MPZL1: variants seen among roughly 807,000 people sequenced by gnomAD.
MPZL1 encodes myelin protein zero-like protein 1.
MPZL1 carries 16 observed loss-of-function variants against 29.3 expected under a neutral mutation model. That is an observed-to-expected ratio of 0.55 (90% confidence interval 0.37 to 0.83). MPZL1 has a LOEUF of 0.83. Among genes scored for constraint, MPZL1 ranks in the 40% least tolerant of loss-of-function variants. The pLI is 0.00. For synonymous variants in MPZL1, 143 were observed against 132.0 expected, an observed-to-expected ratio of 1.08 and a Z score of -0.57; for missense variants, 279 against 332.9, an observed-to-expected ratio of 0.84 and a Z score of 1.26.
chr1:167,749,261 C>T lies in MPZL1; in HGVS notation c.92-16322C>T, dbSNP rs115376034. Reference sequence around the variant, plus strand: ...AAGGTGCTCTAAAATTTTGTTGTACCATCTAAGCTACAGTCAGTTTCAGAT... The same window carrying T: ...AAGGTGCTCTAAAATTTTGTTGTACTATCTAAGCTACAGTCAGTTTCAGAT... On this transcript the variant is annotated intron_variant, in intron 1 of 5. Transcript: ENST00000359523. Among the ~76,000 whole-genome samples the T allele has an allele frequency of 4.2e-3, 637 of 152,166 alleles. 4 individuals are homozygous for T. The highest frequency in any genetic ancestry group is 0.015 in the African/African-American group (612 of 41,502).
At chr1:167,781,220 A>T (rs2187967) in intron 5 of MPZL1, among the ~76,000 whole-genome samples, 1 of 152,064 alleles carries the variant, frequency 6.6e-6, no homozygotes, top group Admixed American at 6.6e-5. Flanking sequence ...ATCAAAAAAG[A>T]TGCGGAAGAC....
chr1:167,747,245 G>A (rs1363604065), intron 1 of MPZL1, among the ~76,000 whole-genome samples: 2 of 152,090 alleles, frequency 1.3e-5, no homozygotes, highest in African/African-American at 4.8e-5. Flanking sequence ...TTTTGAGACA[G>A]GGCCTCACTC....
At chr1:167,741,317 T>C (rs1331602129) in intron 1 of MPZL1, among the ~76,000 whole-genome samples, 1 of 147,688 alleles carries the variant, frequency 6.8e-6, no homozygotes, top group East Asian at 2.0e-4. Flanking sequence ...TCACCACGTC[T>C]AGCCTGCAGT....
At chr1:167,772,534 C>G (rs987965754) in intron 3 of MPZL1, 46 bp downstream of exon 3, 2 of 1,518,694 alleles carry the variant, frequency 1.3e-6, no homozygotes, top group African/African-American at 2.8e-5. Context: ...TCTCCTTTAT[C>G]TCATGTTTGG....
At chr1:167,743,123 G>T (rs1660569004) in intron 1 of MPZL1, among the ~76,000 whole-genome samples, 1 of 151,732 alleles carries the variant, frequency 6.6e-6, no homozygotes, top group Admixed American at 6.6e-5. Context: ...TTTTAGGATT[G>T]TTTTTTCTAG....
chr1:167,737,828 A>AT (rs1428614410), intron 1 of MPZL1, among the ~76,000 whole-genome samples: 1 of 152,196 alleles, frequency 6.6e-6, no homozygotes, highest in Admixed American at 6.5e-5. Flanking sequence ...TCTTAAAGAG[A>AT]TTTCCTGGAT....
At chr1:167,779,471 G>C (rs1285957962) in intron 5 of MPZL1, among the ~76,000 whole-genome samples, 1 of 152,004 alleles carries the variant, frequency 6.6e-6, no homozygotes, top group Non-Finnish European at 1.5e-5. Context: ...TGTAATCCCA[G>C]CTACTTGGGA....
Position 167,773,349 on chromosome 1 carries a change from T to A in MPZL1, c.586T>A (p.Ser196Thr), listed in dbSNP as rs1239106525. 6.2e-7 allele frequency: 1 copy of A among 1,613,978 alleles called. No individual in the cohort carries two copies. Among genetic ancestry groups the A allele is most frequent in the South Asian group, 1.1e-5 (1 of 91,064 alleles). Residue 196 changes from serine to threonine, a missense_variant, in exon 4 of 6, where the codon TCT becomes ACT. Ser to Thr is a moderately conservative substitution (Grantham distance 58). Coordinates refer to ENST00000359523, the MANE Select transcript of MPZL1 (RefSeq NM_003953.6). The stretch of plus-strand genomic sequence containing the variant: ...GGCTGTCCTCTATAGAAGGAAAAAC[T>A]CTAAACGGGATTACACTGGGTAAGA... Reference protein sequence around the residue: ...ILAVLYRRKNSKRDYTGCSTS... With the variant: ...ILAVLYRRKNTKRDYTGCSTS...
At chr1:167,786,574 C>G (rs2101801924) in intron 5 of MPZL1, among the ~76,000 whole-genome samples, 1 of 152,264 alleles carries the variant, frequency 6.6e-6, no homozygotes, top group South Asian at 2.1e-4. Flanking sequence ...TCAAATGGCT[C>G]TAGTCCTCGA....
chr1:167,736,526 A>G (rs1484382666), intron 1 of MPZL1, among the ~76,000 whole-genome samples: 3 of 152,020 alleles, frequency 2.0e-5, no homozygotes, highest in Non-Finnish European at 4.4e-5. Flanking sequence ...GCCACTCGCT[A>G]TTGTTATTGC....
chr1:167,767,176 G>A (rs1413167761), intron 2 of MPZL1, among the ~76,000 whole-genome samples: 2 of 152,170 alleles, frequency 1.3e-5, no homozygotes, highest in Non-Finnish European at 2.9e-5. Context: ...TAGCCATAAG[G>A]GTGAGCACAG....
chr1:167,781,298 T>A (rs76980067), intron 5 of MPZL1, among the ~76,000 whole-genome samples: 1 of 152,104 alleles, frequency 6.6e-6, no homozygotes, highest in Non-Finnish European at 1.5e-5. Flanking sequence ...CGCAGAATTC[T>A]TACTCTTTTT....
chr1:167,746,442 A>G (rs1225841656), intron 1 of MPZL1, among the ~76,000 whole-genome samples: 1 of 150,880 alleles, frequency 6.6e-6, no homozygotes, highest in Non-Finnish European at 1.5e-5. Flanking sequence ...CCCTGTTTGC[A>G]TCAGCAAAGG....
At chr1:167,735,975 GCTAT>G (rs1660370405) in intron 1 of MPZL1, among the ~76,000 whole-genome samples, 1 of 152,158 alleles carries the variant, frequency 6.6e-6, no homozygotes. Context: ...TCAACTTGGT[GCTAT>G]CTGACTTCCT....
At chr1:167,751,688 A>G (rs950897777) in intron 1 of MPZL1, among the ~76,000 whole-genome samples, 4 of 151,294 alleles carry the variant, frequency 2.6e-5, no homozygotes, top group African/African-American at 9.8e-5. Flanking sequence ...AAAAAAAAAG[A>G]AAAGAAATTA....
At chr1:167,761,989 G>A (rs936803030) in intron 1 of MPZL1, among the ~76,000 whole-genome samples, 14 of 152,160 alleles carry the variant, frequency 9.2e-5, no homozygotes, top group African/African-American at 3.1e-4. Context: ...TGAACTCAGG[G>A]TTTTGGAGGA....
At chr1:167,776,039 G>A (rs1421271880) in intron 4 of MPZL1, 25 bp from the exon 5 acceptor site, 1 of 1,461,638 alleles carries the variant, frequency 6.8e-7, no homozygotes, top group African/African-American at 1.4e-5. Context: ...TTTTACATTT[G>A]TTCTTCAAAT....
intron 1 of MPZL1, among the ~76,000 whole-genome samples, chr1:167,746,143 C>A (rs1315239288): frequency 2.6e-5 from 4 of 151,990 alleles, no homozygotes; most frequent in Non-Finnish European, 5.9e-5. Flanking sequence ...GTGGTGATTG[C>A]CTTGGAGTTG....
chr1:167,730,595 T>G (rs1660242091), intron 1 of MPZL1, among the ~76,000 whole-genome samples: 1 of 152,100 alleles, frequency 6.6e-6, no homozygotes, highest in Non-Finnish European at 1.5e-5. Context: ...TTCTTGTAGG[T>G]TCTTCTCACT....
Sources: allele counts gnomAD v4.1 joint callset (sites outside exome capture counted in the v4.1 genomes callset), GRCh38; gene constraint gnomAD v4.1.1; transcripts MANE v1.5; gene names NCBI Gene and HGNC (gene_info 2026-07-23, HGNC 2026-07-21).